Variants in TM9SF3 observed in about 807,000 individuals in gnomAD.
TM9SF3 encodes SM-11044-binding protein.
Under a neutral mutation model 78.6 loss-of-function variants are expected in TM9SF3, and 14 were observed. The ratio of observed to expected loss-of-function variants is 0.18; its 90% CI spans 0.12 to 0.28. The LOEUF (loss-of-function observed/expected upper bound fraction) is 0.28. Among genes scored for constraint, TM9SF3 ranks in the 10% least tolerant of loss-of-function variants. TM9SF3 has a pLI of 1.00. For synonymous variants in TM9SF3, 231 were observed against 241.7 expected (o/e 0.96, Z 0.41); for missense variants, 496 against 721.9 (o/e 0.69, Z 3.59).
At chr10:96,555,149 T>C (rs1037840917) in intron 5 of TM9SF3, among the ~76,000 whole-genome samples, 1 of 152,142 alleles carries the variant, frequency 6.6e-6, no homozygotes, top group African/African-American at 2.4e-5. Context: ...GTACACCCTA[T>C]TTCTCTCATA....
At chr10:96,535,167 A>G (rs1011342506) in intron 9 of TM9SF3, among the ~76,000 whole-genome samples, 1 of 152,234 alleles carries the variant, frequency 6.6e-6, no homozygotes, top group Non-Finnish European at 1.5e-5. Flanking sequence ...GCATTTGTCA[A>G]TATTTTCCCT....
intron 9 of TM9SF3, 31 bp from the exon 10 acceptor site, chr10:96,533,221 C>CA: frequency 6.2e-7 from 1 of 1,601,990 alleles, no homozygotes; most frequent in Non-Finnish European, 8.5e-7. Flanking sequence ...TGTGATTACT[C>CA]AGAGAACAAT....
rs1347585971 is a variant in TM9SF3, at chr10:96,586,907, G to C, written c.-72C>G. The C allele has an allele frequency of 9.9e-6, 11 of 1,112,918 alleles. No homozygotes were observed. Among genetic ancestry groups the C allele is most frequent in the Non-Finnish European group, 1.1e-5 (10 of 902,096 alleles). 68.9% of individuals were successfully genotyped at this position (1,112,918 alleles called of 1,614,324 possible). A position where few individuals can be genotyped will look rare whatever the true frequency, so the allele number is the denominator to read the frequency against. On this transcript the variant is annotated 5_prime_UTR_variant, in exon 1 of 15. Coordinates refer to ENST00000371142, the MANE Select transcript of TM9SF3 (RefSeq NM_020123.4). Reference sequence around the variant, plus strand: ...CGCCGCCGCCTCCTCCGCCGCCGCCGCCTCCGCCGCGGCCGATTCGCATCC... The same window carrying C: ...CGCCGCCGCCTCCTCCGCCGCCGCCCCCTCCGCCGCGGCCGATTCGCATCC...
chr10:96,518,849 T>TA lies in TM9SF3; in HGVS notation c.*3413dup, dbSNP rs10687669. The TA allele has an allele frequency of 1.1e-4, 16 of 151,892 alleles. No individual in the cohort carries two copies. The highest frequency in any genetic ancestry group is 2.1e-4 in the South Asian group (1 of 4,804). The allele number at this position is 151,892 out of a possible 1,614,324, so 9.4% of individuals were successfully genotyped here. ...GACTGAAATATAACACCTTGATTGA[T>TA]AGTTTCATAACTATAGAATTTTAGT... On this transcript the variant is annotated 3_prime_UTR_variant, in exon 15 of 15. Transcript: ENST00000371142.
At chr10:96,526,559 C>T (rs1227493900) in intron 14 of TM9SF3, among the ~76,000 whole-genome samples, 1 of 152,038 alleles carries the variant, frequency 6.6e-6, no homozygotes, top group African/African-American at 2.4e-5. Context: ...AAACTATTAC[C>T]TCTTCCTTTT....
At chr10:96,529,251 G>T (rs908412528) in intron 11 of TM9SF3, among the ~76,000 whole-genome samples, 2 of 152,166 alleles carry the variant, frequency 1.3e-5, no homozygotes, top group East Asian at 3.8e-4. Flanking sequence ...TGCAGAGCTG[G>T]TAAGTGACAA....
At position 96,556,630 on chromosome 10, in the gene TM9SF3, ATAAAGT is replaced by A. The variant is rs1848237268; in HGVS notation, c.660+3023_660+3028del. On this transcript the variant is annotated intron_variant, in intron 5 of 14. Transcript: ENST00000371142. ...AATCTCCACTGAACCCCATCAGCATATAAAGTTAATGTTTTTCTTACATTTAAAAAA... is the reference window on the plus strand; with the variant it reads ...AATCTCCACTGAACCCCATCAGCATATAATGTTTTTCTTACATTTAAAAAA... Among the ~76,000 whole-genome samples, 7 of 152,168 alleles carry A rather than the reference ATAAAGT, an allele frequency of 4.6e-5. No individual in the cohort carries two copies. In the South Asian group the frequency reaches 1.2e-3, roughly 27 times the overall value.
chr10:96,586,817 C>A lies in TM9SF3; in HGVS notation c.19G>T (p.Ala7Ser), dbSNP rs951226213. 26 of 1,255,348 alleles carry A rather than the reference C, an allele frequency of 2.1e-5. No individual in the cohort carries two copies. The highest frequency in any genetic ancestry group is 3.9e-5 in the Admixed American group (1 of 25,736). 77.8% of individuals were successfully genotyped at this position (1,255,348 alleles called of 1,614,324 possible). ...GCGGCGGCCGCCGCCACGCCAAGAG[C>A]GCCAGGCAGCGGCCTCATCCTCCGC... is the stretch of plus-strand genomic sequence containing the variant. MRPLPG[A>S]LGVAAAAALW... The change falls in exon 1 of 15, where the codon GCT (alanine) becomes TCT (serine). Residue 7 changes from alanine (A) to serine (S), a missense_variant. Coordinates refer to ENST00000371142, the MANE Select transcript of TM9SF3 (RefSeq NM_020123.4).
At chr10:96,540,009 T>C (rs1263521525) in intron 9 of TM9SF3, among the ~76,000 whole-genome samples, 5 of 152,212 alleles carry the variant, frequency 3.3e-5, no homozygotes, top group Non-Finnish European at 7.3e-5. Context: ...AACTACAAAG[T>C]GCTACACAAA....
intron 3 of TM9SF3, 121 bp downstream of exon 3, chr10:96,565,183 T>C (rs1162503763): frequency 7.1e-6 from 7 of 979,792 alleles, no homozygotes; most frequent in African/African-American, 1.7e-5. Flanking sequence ...AATCATTCTG[T>C]AAAAAACAGT....
intron 5 of TM9SF3, among the ~76,000 whole-genome samples, chr10:96,555,687 A>G (rs1430571031): frequency 6.6e-6 from 1 of 152,212 alleles, no homozygotes; most frequent in African/African-American, 2.4e-5. Context: ...TTATTTATTG[A>G]GCATCCAGTA....
At chr10:96,572,305 A>G (rs1848445379) in intron 2 of TM9SF3, among the ~76,000 whole-genome samples, 1 of 151,912 alleles carries the variant, frequency 6.6e-6, no homozygotes, top group Non-Finnish European at 1.5e-5. Context: ...ACAGATAAGC[A>G]ATACGAGATC....
At chr10:96,584,455 ATGC>A in intron 1 of TM9SF3, among the ~76,000 whole-genome samples, 1 of 152,250 alleles carries the variant, frequency 6.6e-6, no homozygotes, top group East Asian at 1.9e-4. Context: ...TTTGAATTTT[ATGC>A]TTATTTTTAG....
intron 5 of TM9SF3, among the ~76,000 whole-genome samples, chr10:96,558,232 A>G (rs1195132657): frequency 6.6e-6 from 1 of 152,154 alleles, no homozygotes; most frequent in African/African-American, 2.4e-5. Context: ...TCCATACCCT[A>G]TTGAAGATTG....
intron 14 of TM9SF3, among the ~76,000 whole-genome samples, chr10:96,523,458 A>G (rs920766011): frequency 1.3e-5 from 2 of 151,898 alleles, no homozygotes; most frequent in Non-Finnish European, 2.9e-5. Context: ...AAGGAAGGTT[A>G]TCCTTATGGA....
intron 9 of TM9SF3, among the ~76,000 whole-genome samples, chr10:96,539,642 GT>G (rs1426263347): frequency 6.6e-6 from 1 of 152,046 alleles, no homozygotes; most frequent in Non-Finnish European, 1.5e-5. Context: ...GTGTCTATGG[GT>G]GTATGTATAT....
At chr10:96,570,526 T>C (rs979215679) in intron 2 of TM9SF3, among the ~76,000 whole-genome samples, 1 of 152,206 alleles carries the variant, frequency 6.6e-6, no homozygotes, top group Non-Finnish European at 1.5e-5. Flanking sequence ...GTAATAAGAA[T>C]TGACAAATTT....
chr10:96,527,579 A>G lies in TM9SF3; in HGVS notation c.1542-83T>C. 9.8e-6 allele frequency: 11 copies of G among 1,128,126 alleles called. 1 individual carries two copies. The highest frequency in any genetic ancestry group is 1.4e-5 in the Non-Finnish European group (11 of 778,498). The allele number at this position is 1,128,126 out of a possible 1,614,324, so 69.9% of individuals were successfully genotyped here. On this transcript the variant is annotated intron_variant, in intron 12 of 14. Transcript: ENST00000371142. ...AAGATTTTAAAGCAAAGAATTTAAT[A>G]AAACATCCTTTAAAGTCCTTTAAAA...
chr10:96,547,830 A>C lies in TM9SF3; in HGVS notation c.1054+65T>G, dbSNP rs999311421. The stretch of plus-strand genomic sequence containing the variant: ...GTGAGACTCTCTCAAAACAAACAAA[A>C]AAAATCTCATAGTAAAATATTAGCA... On this transcript the variant is annotated intron_variant, in intron 8 of 14. Coordinates refer to ENST00000371142, the MANE Select transcript of TM9SF3 (RefSeq NM_020123.4). 12 of 1,414,172 alleles carry C rather than the reference A, an allele frequency of 8.5e-6. No individual in the cohort carries two copies. The East Asian group carries it at 9.1e-5, about 11-fold the overall frequency. The allele number at this position is 1,414,172 out of a possible 1,614,324, so 87.6% of individuals were successfully genotyped here.
Sources: allele counts gnomAD v4.1 joint callset (sites outside exome capture counted in the v4.1 genomes callset), GRCh38; gene constraint gnomAD v4.1.1; transcripts MANE v1.5; gene names NCBI Gene and HGNC (gene_info 2026-07-23, HGNC 2026-07-21).